VWA3B: variants seen among roughly 807,000 people sequenced by gnomAD.
VWA3B encodes the protein von Willebrand factor A domain-containing protein 3B.
VWA3B carries 138 observed loss-of-function variants against 158.3 expected under a neutral mutation model. That is an observed-to-expected ratio of 0.87 (90% CI 0.76 to 1.00). The LOEUF (loss-of-function observed/expected upper bound fraction) is 1.00, where lower values mean the gene tolerates loss of function less well. Among genes scored for constraint, VWA3B ranks in the 50% least tolerant of loss-of-function variants. VWA3B has a pLI of 0.00. For synonymous variants in VWA3B, 596 were observed against 587.3 expected, an observed-to-expected ratio of 1.01 and a Z score of -0.21; for missense variants, 1,555 against 1,565.1, an observed-to-expected ratio of 0.99 and a Z score of 0.11.
At chr2:98,093,020 C>T in intron 1 of VWA3B, 41 bp from the exon 2 acceptor site, 1 of 1,483,034 alleles carries the variant, frequency 6.7e-7, no homozygotes, top group Non-Finnish European at 9.2e-7. Context: ...TAGATGATTT[C>T]CAAGTTTTTA....
chr2:98,147,807 C>A (rs1029769216), intron 7 of VWA3B, among the ~76,000 whole-genome samples: 35 of 149,770 alleles, frequency 2.3e-4, no homozygotes, highest in Admixed American at 4.7e-4. Context: ...CCCATTAACT[C>A]GTCATTTACA....
chr2:98,107,140 T>G (rs1279948500), intron 2 of VWA3B, among the ~76,000 whole-genome samples: 1 of 152,166 alleles, frequency 6.6e-6, no homozygotes, highest in East Asian at 1.9e-4. Flanking sequence ...TTTAATGGAT[T>G]ATATTATTTT....
chr2:98,252,237 G>A (rs566096352), intron 20 of VWA3B, among the ~76,000 whole-genome samples: 67 of 152,218 alleles, frequency 4.4e-4, no homozygotes, highest in African/African-American at 1.3e-3. Flanking sequence ...CAAGGCCAGG[G>A]CTCAGCCAGC....
intron 20 of VWA3B, among the ~76,000 whole-genome samples, chr2:98,255,650 C>T (rs535784877): frequency 5.3e-5 from 8 of 152,182 alleles, no homozygotes; most frequent in Non-Finnish European, 1.0e-4. Context: ...CTAGCAGCCT[C>T]GTTTGGAAAA....
At chr2:98,229,979 C>A in intron 15 of VWA3B, 71 bp from the exon 16 acceptor site, 3 of 1,485,720 alleles carry the variant, frequency 2.0e-6, no homozygotes, top group South Asian at 1.5e-5. Flanking sequence ...ATTGACTTAA[C>A]TCTGCCTTCT....
At chr2:98,146,384 C>G (rs2060948612) in intron 7 of VWA3B, among the ~76,000 whole-genome samples, 1 of 152,214 alleles carries the variant, frequency 6.6e-6, no homozygotes, top group South Asian at 2.1e-4. Context: ...GCTAAGATAG[C>G]CATCTATGCT....
chr2:98,232,308 G>C (rs1189967021), intron 16 of VWA3B, among the ~76,000 whole-genome samples: 1 of 152,204 alleles, frequency 6.6e-6, no homozygotes, highest in African/African-American at 2.4e-5. Context: ...TTTAATGGCT[G>C]CAAGATCTTT....
At chr2:98,153,961 A>G (rs1441793422) in intron 7 of VWA3B, among the ~76,000 whole-genome samples, 1 of 152,090 alleles carries the variant, frequency 6.6e-6, no homozygotes, top group African/African-American at 2.4e-5. Context: ...TCCAGGGCTC[A>G]AGCGATTCTC....
At chr2:98,153,745 G>C (rs1677827966) in intron 7 of VWA3B, among the ~76,000 whole-genome samples, 1 of 152,234 alleles carries the variant, frequency 6.6e-6, no homozygotes, top group South Asian at 2.1e-4. Flanking sequence ...TCAGCGGATG[G>C]AGCCGGAGCG....
chr2:98,180,069 T>A (rs897389862), intron 8 of VWA3B, among the ~76,000 whole-genome samples: 1 of 149,600 alleles, frequency 6.7e-6, no homozygotes, highest in African/African-American at 2.5e-5. Context: ...TCTCTCTTTC[T>A]CTCTTTCTTT....
At chr2:98,207,866 T>G in intron 12 of VWA3B, 1 of 194,234 alleles carries the variant, frequency 5.1e-6, no homozygotes, top group Admixed American at 5.5e-5. Context: ...GAAGAGTATT[T>G]AAGGTTTCCA....
chr2:98,101,614 G>C (rs539870287), intron 2 of VWA3B, among the ~76,000 whole-genome samples: 1 of 152,308 alleles, frequency 6.6e-6, no homozygotes, highest in East Asian at 1.9e-4. Flanking sequence ...GGAAGATCTA[G>C]GGGATGTGGT....
chr2:98,196,838 T>A (rs968244405), intron 12 of VWA3B, among the ~76,000 whole-genome samples: 27 of 152,326 alleles, frequency 1.8e-4, no homozygotes, highest in African/African-American at 6.0e-4. Flanking sequence ...GCTTTTAACT[T>A]TTAAATTTGC....
At chr2:98,126,627 T>A (rs772441021) in intron 5 of VWA3B, among the ~76,000 whole-genome samples, 28 of 152,236 alleles carry the variant, frequency 1.8e-4, no homozygotes, top group Non-Finnish European at 3.1e-4. Flanking sequence ...ACAAGGAATC[T>A]GGAGAAGATG....
intron 21 of VWA3B, among the ~76,000 whole-genome samples, chr2:98,259,518 A>G (rs1203362438): frequency 4.0e-5 from 6 of 151,594 alleles, no homozygotes; most frequent in Admixed American, 3.3e-4. Flanking sequence ...TAGATTATCT[A>G]TTTTTGGCAT....
At chr2:98,200,540 CT>C (rs1292279273) in intron 12 of VWA3B, among the ~76,000 whole-genome samples, 5,671 of 111,980 alleles carry the variant, frequency 0.051, 173 homozygotes, top group Non-Finnish European at 0.075. Context: ...AAGACTCCAT[CT>C]CAAAAAAAAA....
rs563103812 is a variant in VWA3B at position 98,293,447 on chromosome 2, A to G, written c.3157+2825A>G. Among the ~76,000 whole-genome samples the G allele has an allele frequency of 2.8e-3, 427 of 152,294 alleles. 2 individuals carry two copies. Among genetic ancestry groups the G allele is most frequent in the African/African-American group, 9.8e-3 (406 of 41,562 alleles). On this transcript the variant is annotated intron_variant, in intron 23 of 27. Transcript: ENST00000477737. ...CCTAGTTTTTGTGCCCTCTCTTCCC[A>G]GTCACCTGATCTTTTCCTTAACTGG...
intron 12 of VWA3B, chr2:98,207,837 T>C: frequency 4.7e-6 from 1 of 212,878 alleles, no homozygotes; most frequent in Admixed American, 5.2e-5. Flanking sequence ...AGAACCTTGA[T>C]TGAAAACATG....
intron 1 of VWA3B, among the ~76,000 whole-genome samples, chr2:98,090,271 G>A (rs754274981): frequency 6.6e-6 from 1 of 152,160 alleles, no homozygotes; most frequent in African/African-American, 2.4e-5. Context: ...TTGTTTTCAT[G>A]TTCTGTGATT....
Sources: allele counts gnomAD v4.1 joint callset (sites outside exome capture counted in the v4.1 genomes callset), GRCh38; gene constraint gnomAD v4.1.1; transcripts MANE v1.5; gene names NCBI Gene and HGNC (gene_info 2026-07-23, HGNC 2026-07-21).